The following TMEM223 variants were observed in gnomAD, a reference collection of about 807,000 sequenced individuals.
The protein encoded by TMEM223 is transmembrane protein 223.
TMEM223 carries 14 observed loss-of-function variants against 14.1 expected under a neutral mutation model. That is an observed-to-expected ratio of 0.99 (90% CI 0.66 to 1.55). The LOEUF (loss-of-function observed/expected upper bound fraction) is 1.55. Ranked by LOEUF, TMEM223 falls within the 40% of genes most tolerant of loss-of-function variation. The pLI, the probability that TMEM223 is intolerant of heterozygous loss-of-function variation, is 0.00. For missense variants in TMEM223, 346 were observed against 269.9 expected, an observed-to-expected ratio of 1.28 and a Z score of -1.97; for synonymous variants, 145 against 120.5, an observed-to-expected ratio of 1.20 and a Z score of -1.33.
At chr11:62,789,470 C>A, downstream of TMEM223, 1 of 1,612,788 alleles carries the variant, frequency 6.2e-7, no homozygotes. Context: ...TGACTACCTT[C>A]CCTCTGCAGC....
At position 62,791,883 on chromosome 11, in the gene TMEM223, C is replaced by A; in HGVS notation, c.112G>T (p.Glu38Ter). The A allele has an allele frequency of 6.3e-7, 1 of 1,597,684 alleles. No homozygotes were observed. Residue 38 changes from glutamate to a stop codon, truncating the protein, a stop_gained, in exon 1 of 2, where the codon GAG (glutamate) becomes TAG (stop). Transcript: ENST00000307366. LOFTEE classifies it high-confidence loss of function. ...GTGAAGAAGCGGCCCCGATCATGCTCAAAGAGCAGCACATCCCGTTGCAGC... is the reference window on the plus strand; with the variant it reads ...GTGAAGAAGCGGCCCCGATCATGCTAAAAGAGCAGCACATCCCGTTGCAGC... ...TTLQRDVLLF[E>*]HDRGRFFTIL...
chr11:62,789,779 G>C, downstream of TMEM223: 1 of 1,525,394 alleles, frequency 6.6e-7, no homozygotes. Context: ...GAGAGGAGCT[G>C]AAGGGGTTGT....
At chr11:62,787,687 T>G, downstream of TMEM223, 1 of 963,438 alleles carries the variant, frequency 1.0e-6, no homozygotes, top group South Asian at 1.7e-5. Flanking sequence ...GCGAGGCTAA[T>G]CGCGCTTTGT....
rs1245362446 is a variant in TMEM223, at chr11:62,778,245, C to T, written c.315-3580G>A. On this transcript the variant is annotated intron_variant, in intron 1 of 2. Transcript: ENST00000528367. ...GAGGGGTAGGCGGTACTCTAAGGGG[C>T]AAAACGCCAGGCTGACACATCTCTC... 9.3e-6 allele frequency: 15 copies of T among 1,613,836 alleles called. No homozygotes were observed. In the African/African-American group the frequency reaches 9.3e-5, roughly 10 times the overall value.
intron 1 of TMEM223, among the ~76,000 whole-genome samples, chr11:62,779,894 G>T (rs2084214342): frequency 7.0e-6 from 1 of 142,506 alleles, no homozygotes; most frequent in African/African-American, 2.6e-5. Context: ...TCAAACTCCT[G>T]ACCTCAGGTG....
In TMEM223 at chr11:62,778,510, G is replaced by C. The variant is rs929830726; in HGVS notation, c.315-3845C>G. Reference sequence around the variant, plus strand: ...TGGAGGGCTCAGAGTTGGAGATGGGGGCCCAGACCTGTAACTAGTCATAAT... The same window carrying C: ...TGGAGGGCTCAGAGTTGGAGATGGGCGCCCAGACCTGTAACTAGTCATAAT... On this transcript the variant is annotated intron_variant, in intron 1 of 2. Coordinates refer to the TMEM223 transcript ENST00000528367. 8 of 721,384 alleles carry C rather than the reference G, an allele frequency of 1.1e-5. No homozygotes were observed. The African/African-American group carries it at 1.4e-4, about 13-fold the overall frequency. The allele number at this position is 721,384 out of a possible 1,614,324, so 44.7% of individuals were successfully genotyped here. A position where few individuals can be genotyped will look rare whatever the true frequency, so the allele number is the denominator to read the frequency against.
chr11:62,791,984 G>A lies in TMEM223; in HGVS notation c.11C>T (p.Pro4Leu), dbSNP rs371781263. The A allele has an allele frequency of 4.4e-4, 677 of 1,543,168 alleles. 12 individuals carry two copies. In the South Asian group the frequency reaches 7.7e-3, roughly 18 times the overall value. ...CAGCCCCGTGGGCCATCGCCTCCAAGGCGCCGCCATGGCCAGCCGACTTCC... is the reference window on the plus strand; with the variant it reads ...CAGCCCCGTGGGCCATCGCCTCCAAAGCGCCGCCATGGCCAGCCGACTTCC... The part of the protein sequence containing the change: MAA[P>L]WRRWPTGLLA... Residue 4 changes from proline (P) to leucine (L), a missense_variant, in exon 1 of 2, where the codon CCT becomes CTT. Pro to Leu is a moderately conservative substitution (Grantham distance 98). Coordinates refer to ENST00000307366, the MANE Select transcript of TMEM223 (RefSeq NM_001080501.3).
intron 1 of TMEM223, chr11:62,782,474 G>T: frequency 1.9e-6 from 2 of 1,055,710 alleles, no homozygotes; most frequent in Non-Finnish European, 2.7e-6. Flanking sequence ...TAGCTGGTGT[G>T]CTGTGACACA....
chr11:62,778,356 CA>C (rs1396132417), intron 1 of TMEM223: 1 of 1,613,982 alleles, frequency 6.2e-7, no homozygotes, highest in African/African-American at 1.3e-5. Context: ...ATGTAGGAAA[CA>C]GGCTCTTTGG....
At chr11:62,776,724 G>C (rs2084190900) in intron 1 of TMEM223, among the ~76,000 whole-genome samples, 1 of 151,892 alleles carries the variant, frequency 6.6e-6, no homozygotes, top group Non-Finnish European at 1.5e-5. Flanking sequence ...GGTGGTACAT[G>C]TCTGTAATCC....
At chr11:62,789,942 G>A (rs1565194219), downstream of TMEM223, 2 of 1,614,116 alleles carry the variant, frequency 1.2e-6, no homozygotes, top group Non-Finnish European at 1.7e-6. Flanking sequence ...TCCAGGTCGT[G>A]CAGTGGAAGT....
At chr11:62,775,697 G>T in intron 1 of TMEM223, 1 of 1,474,796 alleles carries the variant, frequency 6.8e-7, no homozygotes. Context: ...GGCTGGTGTG[G>T]AGGGTGTTGG....
rs770960533 is a variant in TMEM223 at position 62,790,886 on chromosome 11, AGAG to A, written c.343_345del (p.Leu115del). 6.3e-7 allele frequency: 1 copy of A among 1,598,232 alleles called. No homozygotes were observed. Among genetic ancestry groups the A allele is most frequent in the Admixed American group, 1.7e-5 (1 of 58,236 alleles). On this transcript the variant is annotated inframe_deletion, in exon 2 of 2. Coordinates refer to ENST00000307366, the MANE Select transcript of TMEM223 (RefSeq NM_001080501.3). ...ACTGAGCGCACAGACCGGAGAGAGA[AGAG>A]AAGACCAGCACCGAGTACGAGGGCT...
chr11:62,772,048 C>T (rs1055508714), exon 3 of TMEM223: 1 of 455,220 alleles, frequency 2.2e-6, no homozygotes, highest in African/African-American at 2.0e-5. Context: ...TGAGTCCTTG[C>T]TCCCCCTCCC....
intron 1 of TMEM223, among the ~76,000 whole-genome samples, chr11:62,779,750 C>T (rs1477156067): frequency 1.3e-5 from 2 of 151,496 alleles, no homozygotes; most frequent in South Asian, 2.1e-4. Context: ...ACTGCAGCCT[C>T]TACCTCTTGG....
chr11:62,778,216 C>G (rs1372031765), intron 1 of TMEM223: 1 of 1,613,408 alleles, frequency 6.2e-7, no homozygotes, highest in African/African-American at 1.3e-5. Flanking sequence ...AGAGGCAGAA[C>G]TTGGAGGGGT....
At chr11:62,779,952 C>CTATATA (rs1225374367) in intron 1 of TMEM223, among the ~76,000 whole-genome samples, 39 of 100,054 alleles carry the variant, frequency 3.9e-4, no homozygotes, top group African/African-American at 6.2e-4. Flanking sequence ...AGGCGTGAGC[C>CTATATA]TATATATATA....
In TMEM223 at chr11:62,782,041, C is replaced by G. The variant is rs185181799; in HGVS notation, c.315-7376G>C. 1.4e-5 allele frequency: 22 copies of G among 1,592,552 alleles called. No individual in the cohort carries two copies. The East Asian group carries it at 4.5e-4, about 32-fold the overall frequency. On this transcript the variant is annotated intron_variant, in intron 1 of 2. Transcript: ENST00000528367. Reference sequence around the variant, plus strand: ...GACCCAGCAGGTGTAGGGCTCATGGCAAGTGCTGTCAGAATGGTGGGCTCC... The same window carrying G: ...GACCCAGCAGGTGTAGGGCTCATGGGAAGTGCTGTCAGAATGGTGGGCTCC...
downstream of TMEM223, chr11:62,786,210 G>A (rs149376224): frequency 3.4e-4 from 537 of 1,576,626 alleles, 1 homozygote; most frequent in African/African-American, 6.2e-3. Flanking sequence ...GTCCTTGAGA[G>A]GGAATAAGTA....
Sources: gnomAD v4.1 joint callset for allele counts (sites outside exome capture counted in the v4.1 genomes callset) on GRCh38, gnomAD v4.1.1 for gene constraint, MANE v1.5 for transcripts, NCBI Gene and HGNC (gene_info 2026-07-23, HGNC 2026-07-21) for gene names.